The following CRACDL variants were observed in gnomAD, a reference collection of about 807,000 sequenced individuals.
CRACDL encodes CRACD like.
CRACDL carries 26 observed loss-of-function variants against 70.6 expected under a neutral mutation model. The observed-to-expected ratio is 0.37, with a 90% CI of 0.27 to 0.51. CRACDL has a LOEUF of 0.51. CRACDL is among the 20% of genes least tolerant of loss of function. The pLI is 0.94. For missense variants in CRACDL, 1,283 were observed against 1,376.9 expected (o/e 0.93, Z 1.08); for synonymous variants, 618 against 615.2 (o/e 1.00, Z -0.07).
rs1467024429 is a variant in CRACDL at position 98,821,985 on chromosome 2, G to A, written c.2288C>T (p.Pro763Leu). ...PEPLSSKPPLPRKPLLQSFTL... is the reference protein window; with the variant it reads ...PEPLSSKPPLLRKPLLQSFTL... Reference sequence around the variant, plus strand: ...GAAGCTCTGCAGAAGCGGCTTCCGGGGCAGGGGCGGCTTGGAGCTGAGCGG... The same window carrying A: ...GAAGCTCTGCAGAAGCGGCTTCCGGAGCAGGGGCGGCTTGGAGCTGAGCGG... The change falls in exon 7 of 10, where the codon CCC becomes CTC. Residue 763 changes from proline (P) to leucine (L), a missense_variant. By Grantham distance (98) the Pro-to-Leu change is moderately conservative. Transcript: ENST00000397899. 6.5e-7 allele frequency: 1 copy of A among 1,530,222 alleles called. No individual in the cohort carries two copies. Among genetic ancestry groups the A allele is most frequent in the African/African-American group, 1.4e-5 (1 of 71,436 alleles). The allele number at this position is 1,530,222 out of a possible 1,614,324, so 94.8% of individuals were successfully genotyped here. A position where few individuals can be genotyped will look rare whatever the true frequency, so the allele number is the denominator to read the frequency against.
intron 1 of CRACDL, among the ~76,000 whole-genome samples, chr2:98,902,323 G>A (rs771434456): frequency 2.0e-5 from 3 of 152,128 alleles, no homozygotes; most frequent in Non-Finnish European, 2.9e-5. Context: ...GCAGGGCCCC[G>A]AGTCAGGCCT....
rs1348559195 is a variant in CRACDL, at chr2:98,822,202, G to A, written c.2071C>T (p.Leu691Phe). 14 of 1,610,682 alleles carry A rather than the reference G, an allele frequency of 8.7e-6. No individual in the cohort carries two copies. Among genetic ancestry groups the A allele is most frequent in the Non-Finnish European group, 1.1e-5 (13 of 1,179,300 alleles). ...GCGCCATCCCTGTATTTGAGCGAGA[G>A]GGAGGTGGACCGGAGCTTGACGGGG... Reference protein sequence around the residue: ...PFPVKLRSTSLSLKYRDGASQ... With the variant: ...PFPVKLRSTSFSLKYRDGASQ... The change falls in exon 7 of 10, where the codon CTC becomes TTC. Residue 691 changes from leucine to phenylalanine, a missense_variant. By Grantham distance (22) the Leu-to-Phe change is conservative. Around this residue, in one of 2 missense-constraint regions of CRACDL, gnomAD observed 921 missense variants for 881.9 expected, o/e 1.04. Coordinates refer to ENST00000397899, the MANE Select transcript of CRACDL (RefSeq NM_207362.3). This position sits in a 1 kb window ranked among gnomAD's most constrained non-coding sequence, Gnocchi z 4.9.
At chr2:98,902,730 G>C (rs1210254128) in intron 1 of CRACDL, among the ~76,000 whole-genome samples, 1 of 152,058 alleles carries the variant, frequency 6.6e-6, no homozygotes, top group African/African-American at 2.4e-5. Flanking sequence ...CTCAGAACTT[G>C]CCACGGCCCA....
At chr2:98,856,618 G>T (rs1354498503) in intron 1 of CRACDL, among the ~76,000 whole-genome samples, 1 of 152,048 alleles carries the variant, frequency 6.6e-6, no homozygotes, top group Admixed American at 6.6e-5. Context: ...AAAAGCAATG[G>T]CATAAAATGG....
intron 3 of CRACDL, among the ~76,000 whole-genome samples, chr2:98,833,921 G>C (rs568845739): frequency 6.6e-6 from 1 of 152,292 alleles, no homozygotes; most frequent in Non-Finnish European, 1.5e-5. Context: ...GTGTGGCCCT[G>C]TCCAACTGTA....
chr2:98,874,456 G>C (rs761662497), intron 1 of CRACDL, among the ~76,000 whole-genome samples: 8 of 152,214 alleles, frequency 5.3e-5, no homozygotes, highest in Non-Finnish European at 7.3e-5. Flanking sequence ...GGCTCCGCAC[G>C]GGCTGCTGGG....
chr2:98,880,117 C>T (rs1396447104), intron 1 of CRACDL, among the ~76,000 whole-genome samples: 3 of 152,228 alleles, frequency 2.0e-5, no homozygotes, highest in Non-Finnish European at 2.9e-5. Flanking sequence ...CAGTGCAACG[C>T]GTACACTGTG....
chr2:98,894,776 G>A (rs1251866678), intron 1 of CRACDL, among the ~76,000 whole-genome samples: 3 of 152,124 alleles, frequency 2.0e-5, no homozygotes, highest in African/African-American at 4.8e-5. Context: ...AAGCAAATCC[G>A]AAGACAGTGA....
At chr2:98,899,541 G>C (rs557205052) in intron 1 of CRACDL, among the ~76,000 whole-genome samples, 2 of 152,258 alleles carry the variant, frequency 1.3e-5, no homozygotes, top group Non-Finnish European at 2.9e-5. Flanking sequence ...ATGGCCAGGG[G>C]TGGCCCCACA....
At chr2:98,897,317 A>G in intron 1 of CRACDL, 1 of 1,151,686 alleles carries the variant, frequency 8.7e-7, no homozygotes, top group Non-Finnish European at 1.2e-6. Flanking sequence ...CTGGTATTAA[A>G]CGTGAAGGCA....
chr2:98,869,389 C>T (rs1707263117), intron 1 of CRACDL: 18 of 716,032 alleles, frequency 2.5e-5, no homozygotes, highest in Non-Finnish European at 3.5e-5. Flanking sequence ...ACGCAATGCA[C>T]TTCCGCCTTC....
intron 9 of CRACDL, among the ~76,000 whole-genome samples, chr2:98,795,698 C>T (rs1703789799): frequency 6.6e-6 from 1 of 152,156 alleles, no homozygotes; most frequent in South Asian, 2.1e-4. Flanking sequence ...CTGGTGTATG[C>T]AGGGAGCTGG....
At chr2:98,887,798 A>G (rs1233763634) in intron 1 of CRACDL, among the ~76,000 whole-genome samples, 5 of 152,244 alleles carry the variant, frequency 3.3e-5, no homozygotes, top group Admixed American at 3.3e-4. Flanking sequence ...AAAATTAGTA[A>G]CTGATTTATC....
intron 1 of CRACDL, among the ~76,000 whole-genome samples, chr2:98,901,741 C>T (rs1490797499): frequency 3.9e-5 from 6 of 152,160 alleles, no homozygotes; most frequent in African/African-American, 1.4e-4. Flanking sequence ...TCAGAATGAG[C>T]AAAATTGAGT....
intron 5 of CRACDL, among the ~76,000 whole-genome samples, chr2:98,831,343 T>C (rs931439880): frequency 6.6e-6 from 1 of 152,176 alleles, no homozygotes; most frequent in African/African-American, 2.4e-5. Flanking sequence ...AAAAATTTGG[T>C]GTGGCAGGGT....
At chr2:98,910,111 G>A (rs1029620843) in intron 1 of CRACDL, among the ~76,000 whole-genome samples, 2 of 152,170 alleles carry the variant, frequency 1.3e-5, no homozygotes. Flanking sequence ...CCTACCTGCA[G>A]GAAGCCGATT....
chr2:98,866,152 T>C (rs1707130681), intron 1 of CRACDL, among the ~76,000 whole-genome samples: 1 of 152,176 alleles, frequency 6.6e-6, no homozygotes, highest in Admixed American at 6.5e-5. Context: ...AATATTCAGA[T>C]GCTAAATGAC....
At chr2:98,807,089 A>C (rs985151603) in intron 7 of CRACDL, among the ~76,000 whole-genome samples, 1 of 152,182 alleles carries the variant, frequency 6.6e-6, no homozygotes, top group Admixed American at 6.5e-5. Flanking sequence ...CCCTCCTTGC[A>C]ACGTAAGGAT....
chr2:98,886,628 A>C (rs999943520), intron 1 of CRACDL, among the ~76,000 whole-genome samples: 1 of 152,248 alleles, frequency 6.6e-6, no homozygotes, highest in Non-Finnish European at 1.5e-5. Context: ...GAGGTTTACT[A>C]GTTCTAAATG....
Sources: gnomAD v4.1 joint callset for allele counts (sites outside exome capture counted in the v4.1 genomes callset) on GRCh38, gnomAD v4.1.1 for gene constraint, gnomAD v4.1.1 regional missense constraint, Gnocchi (gnomAD v3.1) non-coding constraint, MANE v1.5 for transcripts, NCBI Gene and HGNC (gene_info 2026-07-23, HGNC 2026-07-21) for gene names.